The following KLHL8 variants were observed in gnomAD, a reference collection of about 807,000 sequenced individuals.
The protein encoded by KLHL8 is kelch-like protein 8.
In KLHL8, 38 loss-of-function variants were observed where a neutral mutation model predicts 63.5. That is an observed-to-expected ratio of 0.60 (90% CI 0.46 to 0.78). KLHL8 has a LOEUF of 0.78. KLHL8 is among the 30% of genes least tolerant of loss of function. The pLI is 0.00. For missense variants in KLHL8, 566 were observed against 752.4 expected (o/e 0.75, Z 2.90); for synonymous variants, 224 against 254.3 (o/e 0.88, Z 1.13).
chr4:87,167,968 C>T (rs1560689625), intron 8 of KLHL8, among the ~76,000 whole-genome samples: 1 of 152,220 alleles, frequency 6.6e-6, no homozygotes, highest in Non-Finnish European at 1.5e-5. Context: ...AACATGGCTT[C>T]AGCCTAAAAT....
chr4:87,221,972 A>G (rs1442850437), upstream of KLHL8, among the ~76,000 whole-genome samples: 1 of 152,168 alleles, frequency 6.6e-6, no homozygotes, highest in Non-Finnish European at 1.5e-5. Context: ...CGATACCCCA[A>G]AATATGGTGC....
chr4:87,204,181 A>G (rs997261386), intron 1 of KLHL8, among the ~76,000 whole-genome samples: 1 of 152,146 alleles, frequency 6.6e-6, no homozygotes, highest in African/African-American at 2.4e-5. Context: ...ATGCCTGTGA[A>G]TAGCCACTAC....
intron 1 of KLHL8, among the ~76,000 whole-genome samples, chr4:87,231,776 T>C (rs998808997): frequency 6.6e-6 from 1 of 152,006 alleles, no homozygotes; most frequent in Non-Finnish European, 1.5e-5. Flanking sequence ...TTTTTAGTTT[T>C]TGGTAGAGAC....
intron 1 of KLHL8, chr4:87,208,014 C>A: frequency 2.9e-6 from 2 of 699,460 alleles, no homozygotes; most frequent in South Asian, 1.4e-5. Flanking sequence ...TTGTCAAGAT[C>A]ATTTCTTGGT....
rs1266414412 is a variant in KLHL8, at chr4:87,162,047, T to C, written c.*1472A>G. On this transcript the variant is annotated 3_prime_UTR_variant, in exon 10 of 10. Coordinates refer to ENST00000273963, the MANE Select transcript of KLHL8 (RefSeq NM_020803.5). ...CCAGAATCCCATTTAATAAGATGCA[T>C]GAGCTATTAGTCAATGAACTTTAGG... The C allele has an allele frequency of 6.6e-6, 1 of 152,154 alleles. No individual in the cohort carries two copies. The highest frequency in any genetic ancestry group is 2.4e-5 in the African/African-American group (1 of 41,428). The allele number at this position is 152,154 out of a possible 1,614,324, so 9.4% of individuals were successfully genotyped here.
intron 2 of KLHL8, among the ~76,000 whole-genome samples, chr4:87,194,828 T>G (rs1170417981): frequency 6.6e-6 from 1 of 152,212 alleles, no homozygotes; most frequent in Admixed American, 6.5e-5. Flanking sequence ...CTATCAGGTG[T>G]AGATAAACAA....
At chr4:87,203,999 A>G (rs1732021895) in intron 1 of KLHL8, among the ~76,000 whole-genome samples, 1 of 152,240 alleles carries the variant, frequency 6.6e-6, no homozygotes, top group South Asian at 2.1e-4. Context: ...TCACCAGTGA[A>G]GACACATGGA....
chr4:87,203,014 T>C (rs1578390723), intron 1 of KLHL8, among the ~76,000 whole-genome samples: 1 of 152,140 alleles, frequency 6.6e-6, no homozygotes, highest in African/African-American at 2.4e-5. Context: ...CAAAAAAATA[T>C]AGTCTACCAT....
chr4:87,202,404 GCCA>G (rs1357904095), intron 1 of KLHL8, among the ~76,000 whole-genome samples: 1 of 152,094 alleles, frequency 6.6e-6, no homozygotes, highest in East Asian at 1.9e-4. Context: ...ACAGGTGTGA[GCCA>G]CCACACCTGG....
At chr4:87,164,893 A>C (rs1237915088) in intron 8 of KLHL8, among the ~76,000 whole-genome samples, 1 of 152,136 alleles carries the variant, frequency 6.6e-6, no homozygotes, top group Non-Finnish European at 1.5e-5. Context: ...TCACGCCTGT[A>C]ATCCCAGCAC....
chr4:87,170,670 G>A (rs1357932201), intron 6 of KLHL8, 55 bp from the exon 7 acceptor site: 1 of 1,484,056 alleles, frequency 6.7e-7, no homozygotes, highest in Non-Finnish European at 9.2e-7. Flanking sequence ...AGGAAAAAAA[G>A]TCATATAAAA....
intron 2 of KLHL8, among the ~76,000 whole-genome samples, chr4:87,186,138 A>C (rs765549998): frequency 6.6e-6 from 1 of 151,602 alleles, no homozygotes; most frequent in Non-Finnish European, 1.5e-5. Flanking sequence ...TCCTGGGTTT[A>C]AGCAATTCTC....
intron 1 of KLHL8, among the ~76,000 whole-genome samples, chr4:87,219,300 G>C (rs141965637): frequency 3.5e-3 from 538 of 152,330 alleles, no homozygotes; most frequent in Non-Finnish European, 6.0e-3. Flanking sequence ...GCCAGAACAC[G>C]AGAAAGATGC....
intron 1 of KLHL8, among the ~76,000 whole-genome samples, chr4:87,227,158 C>T (rs1408346473): frequency 1.3e-5 from 2 of 150,676 alleles, no homozygotes; most frequent in Non-Finnish European, 2.9e-5. Flanking sequence ...TTGCCTTCTT[C>T]TTTAGAAGGA....
intron 8 of KLHL8, chr4:87,167,763 T>C (rs1578357868): frequency 8.6e-6 from 2 of 231,320 alleles, no homozygotes; most frequent in East Asian, 2.0e-4. Context: ...TCTGTCTCCA[T>C]TGGTGGTTAT....
At chr4:87,220,066 G>A (rs1732766520) in intron 1 of KLHL8, 1 of 152,726 alleles carries the variant, frequency 6.5e-6, no homozygotes, top group African/African-American at 2.4e-5. Flanking sequence ...AGACTGGGAG[G>A]AAGGAGTCAA....
chr4:87,170,347 T>C (rs1477095775), intron 7 of KLHL8, 100 bp downstream of exon 7: 8 of 1,419,804 alleles, frequency 5.6e-6, no homozygotes, highest in Non-Finnish European at 7.7e-6. Context: ...TAATATGATA[T>C]ATAATATCTT....
At chr4:87,233,934 A>G (rs1275855493) in intron 1 of KLHL8, among the ~76,000 whole-genome samples, 1 of 152,192 alleles carries the variant, frequency 6.6e-6, no homozygotes, top group African/African-American at 2.4e-5. Flanking sequence ...ATTCTTTGTC[A>G]TTGTTTAGAC....
chr4:87,221,911 G>A (rs1373249862), upstream of KLHL8, among the ~76,000 whole-genome samples: 1 of 152,088 alleles, frequency 6.6e-6, no homozygotes, highest in Non-Finnish European at 1.5e-5. Context: ...GTGAAGAAAA[G>A]TCATAAAATG....
Sources: allele counts gnomAD v4.1 joint callset (sites outside exome capture counted in the v4.1 genomes callset), GRCh38; gene constraint gnomAD v4.1.1; transcripts MANE v1.5; gene names NCBI Gene and HGNC (gene_info 2026-07-23, HGNC 2026-07-21).